Variants in SMAD6 observed in about 807,000 individuals in gnomAD.
The protein encoded by SMAD6 is SMAD family member 6, also known as MAD homolog 6.
Under a neutral mutation model 39.4 loss-of-function variants are expected in SMAD6, and 103 were observed. The observed-to-expected ratio is 2.62, with a 90% confidence interval of 2.23 to 3.08. The LOEUF (loss-of-function observed/expected upper bound fraction) is 3.08, where lower values mean the gene tolerates loss of function less well. SMAD6 is among the 30% of genes most tolerant of loss of function. The probability of loss-of-function intolerance (pLI) is 0.00; values close to 1 mark genes in which losing one functional copy is unlikely to be tolerated. For synonymous variants in SMAD6, 445 were observed against 353.3 expected, an observed-to-expected ratio of 1.26 and a Z score of -2.91; for missense variants, 1,104 against 742.9, an observed-to-expected ratio of 1.49 and a Z score of -5.65.
chr15:66,762,521 G>A (rs1054960353), intron 3 of SMAD6, among the ~76,000 whole-genome samples: 2 of 152,172 alleles, frequency 1.3e-5, no homozygotes, highest in East Asian at 1.9e-4. Context: ...GCCCTCCGTG[G>A]TGGGGTGGGA....
At chr15:66,763,752 G>A (rs965861852) in intron 3 of SMAD6, among the ~76,000 whole-genome samples, 2 of 152,232 alleles carry the variant, frequency 1.3e-5, no homozygotes, top group Non-Finnish European at 1.5e-5. Flanking sequence ...GCTGTCCTTG[G>A]TTTACCTACT....
intron 3 of SMAD6, among the ~76,000 whole-genome samples, chr15:66,751,082 C>T (rs1268925874): frequency 1.3e-5 from 2 of 152,264 alleles, no homozygotes; most frequent in Middle Eastern, 3.4e-3. Context: ...CCCAGCAAGC[C>T]CCTGCCTTTT....
chr15:66,733,573 A>G (rs530640183), intron 3 of SMAD6, among the ~76,000 whole-genome samples: 7 of 152,222 alleles, frequency 4.6e-5, no homozygotes, highest in Admixed American at 2.0e-4. Context: ...ACTTTTAAAC[A>G]TTCTCCAGTT....
intron 3 of SMAD6, among the ~76,000 whole-genome samples, chr15:66,762,882 A>G (rs759867488): frequency 6.6e-6 from 1 of 152,050 alleles, no homozygotes; most frequent in Non-Finnish European, 1.5e-5. Flanking sequence ...CCCAAGGGGA[A>G]GATGCAGAGG....
At chr15:66,732,440 C>T (rs935068005) in intron 3 of SMAD6, among the ~76,000 whole-genome samples, 1 of 152,220 alleles carries the variant, frequency 6.6e-6, no homozygotes. Context: ...TAACCCTGAA[C>T]TCCTGGCTCA....
At chr15:66,744,054 G>T (rs1010842767) in intron 3 of SMAD6, among the ~76,000 whole-genome samples, 2 of 152,108 alleles carry the variant, frequency 1.3e-5, no homozygotes, top group African/African-American at 2.4e-5. Context: ...TCCTAGAAGT[G>T]GGATTGCCAG....
intron 3 of SMAD6, among the ~76,000 whole-genome samples, chr15:66,780,436 T>C (rs1314985720): frequency 6.6e-6 from 1 of 151,952 alleles, no homozygotes; most frequent in African/African-American, 2.4e-5. Context: ...CATCCCCCAA[T>C]AGCCTAACCC....
At chr15:66,776,434 A>G (rs1019090338) in intron 3 of SMAD6, among the ~76,000 whole-genome samples, 9 of 152,208 alleles carry the variant, frequency 5.9e-5, no homozygotes, top group African/African-American at 2.2e-4. Flanking sequence ...TCCTTTTACA[A>G]ATACAGAGAC....
Position 66,703,854 on chromosome 15 carries a change from G to A in SMAD6, c.596G>A (p.Gly199Asp), listed in dbSNP as rs1427663505. The A allele has an allele frequency of 4.4e-6, 6 of 1,352,406 alleles. No homozygotes were observed. Among genetic ancestry groups the A allele is most frequent in the South Asian group, 3.5e-5 (2 of 56,986 alleles). 83.8% of individuals were successfully genotyped at this position (1,352,406 alleles called of 1,614,324 possible). A position where few individuals can be genotyped will look rare whatever the true frequency, so the allele number is the denominator to read the frequency against. Reference sequence around the variant, plus strand: ...CTGCTGGAGGCGGTGGAGTCCCGCGGCGGCGTGCCGGGCGGCTGCGTGCTG... The same window carrying A: ...CTGCTGGAGGCGGTGGAGTCCCGCGACGGCGTGCCGGGCGGCTGCGTGCTG... ...DTLLEAVESR[G>D]GVPGGCVLVP... Residue 199 changes from glycine to aspartate, a missense_variant, in exon 1 of 4, where the codon GGC (glycine) becomes GAC (aspartate). By Grantham distance (94) the Gly-to-Asp change is moderately conservative. Transcript: ENST00000288840.
intron 3 of SMAD6, among the ~76,000 whole-genome samples, chr15:66,751,856 A>T (rs1262705007): frequency 6.6e-6 from 1 of 152,240 alleles, no homozygotes; most frequent in Non-Finnish European, 1.5e-5. Flanking sequence ...AAGAGGAAAC[A>T]GTCTCAGAGA....
At chr15:66,748,787 G>A (rs1293686134) in intron 3 of SMAD6, among the ~76,000 whole-genome samples, 2 of 152,044 alleles carry the variant, frequency 1.3e-5, no homozygotes, top group Non-Finnish European at 2.9e-5. Flanking sequence ...GAGACTCGAC[G>A]GGAGTTTCCT....
At chr15:66,770,634 T>C (rs935233313) in intron 3 of SMAD6, among the ~76,000 whole-genome samples, 1 of 152,178 alleles carries the variant, frequency 6.6e-6, no homozygotes, top group African/African-American at 2.4e-5. Context: ...AAAGAGGACT[T>C]GGAATGGGAG....
In SMAD6 at chr15:66,757,547, G is replaced by A. The variant is rs1040735556; in HGVS notation, c.953-23450G>A. ...GAGGGGTGTCCAGCAGGACCCTCAG[G>A]CTGGGTCTCCCAGGCCGGGGGCTGG... On this transcript the variant is annotated intron_variant, in intron 3 of 3. Transcript: ENST00000288840. Among the ~76,000 whole-genome samples the A allele has an allele frequency of 3.3e-5, 5 of 152,334 alleles. No individual in the cohort carries two copies. In the South Asian group the frequency reaches 1.0e-3, roughly 32 times the overall value.
chr15:66,781,065 A>G lies in SMAD6; in HGVS notation c.1021A>G (p.Thr341Ala), dbSNP rs1331154068. ...WCSVAYWEHRTRVGRLYAVYD... is the reference protein window; with the variant it reads ...WCSVAYWEHRARVGRLYAVYD... ...CAGCGTGGCGTACTGGGAGCACCGG[A>G]CGCGCGTGGGCCGCCTCTATGCGGT... Residue 341 changes from threonine (T) to alanine (A), a missense_variant, in exon 4 of 4, where the codon ACG (threonine) becomes GCG (alanine). Coordinates refer to ENST00000288840, the MANE Select transcript of SMAD6 (RefSeq NM_005585.5). 2 of 1,604,124 alleles carry G rather than the reference A, an allele frequency of 1.2e-6. No homozygotes were observed. The highest frequency in any genetic ancestry group is 1.7e-6 in the Non-Finnish European group (2 of 1,178,594).
chr15:66,709,848 T>A (rs1030926569), intron 1 of SMAD6, among the ~76,000 whole-genome samples: 10 of 152,206 alleles, frequency 6.6e-5, no homozygotes, highest in African/African-American at 2.4e-4. Flanking sequence ...GCCCTGCCTC[T>A]TATCCTGAGA....
chr15:66,736,955 G>A (rs548506729), intron 3 of SMAD6, among the ~76,000 whole-genome samples: 9 of 152,232 alleles, frequency 5.9e-5, no homozygotes, highest in African/African-American at 1.9e-4. Context: ...GGCATGAGCC[G>A]CTGCACCTGG....
At position 66,781,456 on chromosome 15, in the gene SMAD6, G is replaced by T. The variant is rs1595805424; in HGVS notation, c.1412G>T (p.Gly471Val). 5.0e-6 allele frequency: 8 copies of T among 1,604,356 alleles called. No individual in the cohort carries two copies. Among genetic ancestry groups the T allele is most frequent in the South Asian group, 2.2e-5 (2 of 90,876 alleles). Residue 471 changes from glycine (G) to valine (V), a missense_variant, in exon 4 of 4, where the codon GGC (glycine) becomes GTC (valine). Coordinates refer to ENST00000288840, the MANE Select transcript of SMAD6 (RefSeq NM_005585.5). Reference protein sequence around the residue: ...PNSVRISFAKGWGPCYSRQFI... With the variant: ...PNSVRISFAKVWGPCYSRQFI... ...AGCGTCCGCATCAGCTTCGCCAAGGGCTGGGGGCCCTGCTACTCCCGGCAG... is the reference window on the plus strand; with the variant it reads ...AGCGTCCGCATCAGCTTCGCCAAGGTCTGGGGGCCCTGCTACTCCCGGCAG...
intron 3 of SMAD6, among the ~76,000 whole-genome samples, chr15:66,779,778 G>A (rs985142188): frequency 6.6e-5 from 10 of 152,226 alleles, no homozygotes; most frequent in East Asian, 3.9e-4. Context: ...CCAGCAGAAC[G>A]CCTCCCTCTG....
chr15:66,728,595 T>TG (rs1300502363), intron 3 of SMAD6, among the ~76,000 whole-genome samples: 1 of 152,022 alleles, frequency 6.6e-6, no homozygotes, highest in African/African-American at 2.4e-5. Flanking sequence ...TTAGTAGAGA[T>TG]GGGGTTTCCC....
Sources: allele counts gnomAD v4.1 joint callset (sites outside exome capture counted in the v4.1 genomes callset), GRCh38; gene constraint gnomAD v4.1.1; transcripts MANE v1.5; gene names NCBI Gene and HGNC (gene_info 2026-07-23, HGNC 2026-07-21).